Variants in COG5 observed in about 807,000 individuals in gnomAD.
The protein encoded by COG5 is component of oligomeric golgi complex 5, also known as conserved oligomeric Golgi complex subunit 5.
A neutral mutation model predicts 110.4 loss-of-function variants in COG5; 86 were observed. That is an observed-to-expected ratio of 0.78 (90% confidence interval 0.65 to 0.93). COG5 has a LOEUF of 0.93. COG5 is among the 40% of genes least tolerant of loss of function. The probability of loss-of-function intolerance (pLI) is 0.00; values close to 1 mark genes in which losing one functional copy is unlikely to be tolerated. For synonymous variants in COG5, 360 were observed against 334.6 expected, an observed-to-expected ratio of 1.08 and a Z score of -0.83; for missense variants, 1,077 against 987.0, an observed-to-expected ratio of 1.09 and a Z score of -1.22.
At chr7:107,560,858 T>C (rs548338065) in intron 1 of COG5, among the ~76,000 whole-genome samples, 1 of 152,250 alleles carries the variant, frequency 6.6e-6, no homozygotes, top group South Asian at 2.1e-4. Flanking sequence ...GTTAAAAATA[T>C]AGTTTTATAA....
At chr7:107,443,514 T>C (rs1207177550) in intron 6 of COG5, among the ~76,000 whole-genome samples, 2 of 151,498 alleles carry the variant, frequency 1.3e-5, no homozygotes, top group African/African-American at 2.4e-5. Context: ...AATTACATGA[T>C]ATGTTAATTA....
chr7:107,240,422 G>A (rs1026088683), intron 17 of COG5, among the ~76,000 whole-genome samples: 1 of 152,070 alleles, frequency 6.6e-6, no homozygotes, highest in South Asian at 2.1e-4. Flanking sequence ...CACCATGTTG[G>A]CCAGGCTGGT....
chr7:107,522,294 C>T (rs930585963), intron 6 of COG5, among the ~76,000 whole-genome samples: 2 of 152,158 alleles, frequency 1.3e-5, no homozygotes, highest in Non-Finnish European at 2.9e-5. Context: ...CATGGAGAAG[C>T]CCTGTCTCTA....
In COG5 at chr7:107,288,310, T is replaced by C. The variant is rs558256206; in HGVS notation, c.1314-4578A>G. Among the ~76,000 whole-genome samples, 14 of 152,290 alleles carry C rather than the reference T, an allele frequency of 9.2e-5. 1 individual carries two copies. In the South Asian group the frequency reaches 2.1e-3, roughly 23 times the overall value. ...CGGAGAGTTAGAGGATGCAGTGAGC[T>C]GTGATTGCACCACTGCACTCTAGCC... On this transcript the variant is annotated intron_variant, in intron 12 of 21. Coordinates refer to ENST00000297135, the MANE Select transcript of COG5 (RefSeq NM_006348.5).
intron 7 of COG5, among the ~76,000 whole-genome samples, chr7:107,389,964 C>A (rs1443001170): frequency 1.3e-5 from 2 of 152,150 alleles, no homozygotes; most frequent in African/African-American, 4.8e-5. Context: ...TTAAGGGAAC[C>A]AATATTTCTA....
chr7:107,419,534 G>A (rs1301284380), intron 6 of COG5, among the ~76,000 whole-genome samples: 4 of 151,498 alleles, frequency 2.6e-5, no homozygotes, highest in African/African-American at 9.7e-5. Flanking sequence ...ATAGAGAAAG[G>A]CATCATCATC....
intron 14 of COG5, among the ~76,000 whole-genome samples, chr7:107,275,839 T>TA (rs528625609): frequency 4.8e-4 from 70 of 145,920 alleles, no homozygotes; most frequent in Middle Eastern, 3.5e-3. Context: ...TTTTAGAACT[T>TA]AAAAAAAAAA....
chr7:107,295,095 A>C (rs1295132578), intron 12 of COG5, among the ~76,000 whole-genome samples: 1 of 75,852 alleles, frequency 1.3e-5, no homozygotes, highest in African/African-American at 5.4e-5. Flanking sequence ...ATATATATAT[A>C]TATATATTTT....
chr7:107,536,147 A>G (rs1276805461), intron 5 of COG5, among the ~76,000 whole-genome samples: 1 of 152,190 alleles, frequency 6.6e-6, no homozygotes, highest in African/African-American at 2.4e-5. Context: ...TTGATGGAAC[A>G]TATCTCAAAA....
chr7:107,555,072 C>T (rs1173226902), intron 2 of COG5, among the ~76,000 whole-genome samples: 1 of 152,194 alleles, frequency 6.6e-6, no homozygotes, highest in South Asian at 2.1e-4. Flanking sequence ...AGGCTACATC[C>T]TACTCTGGAA....
chr7:107,321,349 T>G (rs554304716), intron 11 of COG5, among the ~76,000 whole-genome samples: 2 of 152,232 alleles, frequency 1.3e-5, no homozygotes, highest in South Asian at 4.2e-4. Flanking sequence ...AGGATGTGGA[T>G]CAGAAGACTC....
intron 11 of COG5, among the ~76,000 whole-genome samples, chr7:107,316,831 A>G (rs1808807979): frequency 6.6e-6 from 1 of 151,538 alleles, no homozygotes; most frequent in Non-Finnish European, 1.5e-5. Flanking sequence ...ACTCTGTCTC[A>G]GGAAAAAAAA....
rs1204367804 is a variant in COG5 at position 107,482,143 on chromosome 7, T to G, written c.538+45094A>C. Among the ~76,000 whole-genome samples, 3 of 56,468 alleles carry G rather than the reference T, an allele frequency of 5.3e-5. No individual in the cohort carries two copies. The East Asian group carries it at 2.0e-3, about 37-fold the overall frequency. 37.0% of individuals were successfully genotyped at this position (56,468 alleles called of 152,430 possible). On this transcript the variant is annotated intron_variant, in intron 6 of 21. Coordinates refer to ENST00000297135, the MANE Select transcript of COG5 (RefSeq NM_006348.5). ...GGTTGCAGTCCTGAAAAAAAAATCT[T>G]TTTTTTTTTGGTGGGGGAGACAGGG...
At chr7:107,378,389 C>T (rs1339025757) in intron 7 of COG5, among the ~76,000 whole-genome samples, 1 of 152,002 alleles carries the variant, frequency 6.6e-6, no homozygotes. Flanking sequence ...CAACTCCTCG[C>T]CAGCAACGAA....
intron 7 of COG5, among the ~76,000 whole-genome samples, chr7:107,398,617 G>A (rs916599827): frequency 1.3e-5 from 2 of 152,012 alleles, no homozygotes; most frequent in Admixed American, 1.3e-4. Context: ...ACCAGTCCCT[G>A]GTGTCAAAAA....
chr7:107,423,998 C>T (rs10230090), intron 6 of COG5, among the ~76,000 whole-genome samples: 1,909 of 152,160 alleles, frequency 0.013, 41 homozygotes, highest in African/African-American at 0.044. Context: ...TGAGACTGAG[C>T]GCAGTGGCTC....
At chr7:107,551,390 T>C (rs1431679336) in intron 3 of COG5, among the ~76,000 whole-genome samples, 1 of 152,190 alleles carries the variant, frequency 6.6e-6, no homozygotes, top group Non-Finnish European at 1.5e-5. Flanking sequence ...AGAATATTTT[T>C]AAAAAGAACA....
intron 6 of COG5, among the ~76,000 whole-genome samples, chr7:107,485,521 C>G (rs1253361571): frequency 3.3e-5 from 5 of 152,260 alleles, no homozygotes; most frequent in South Asian, 4.1e-4. Flanking sequence ...ACTAGCTTCT[C>G]AAACTACATA....
intron 6 of COG5, among the ~76,000 whole-genome samples, chr7:107,502,035 T>C (rs551015972): frequency 1.3e-5 from 2 of 152,280 alleles, no homozygotes; most frequent in African/African-American, 2.4e-5. Flanking sequence ...TTTATTTCAA[T>C]AGCTTTTGGA....
Sources: allele counts gnomAD v4.1 joint callset (sites outside exome capture counted in the v4.1 genomes callset), GRCh38; gene constraint gnomAD v4.1.1; transcripts MANE v1.5; gene names NCBI Gene and HGNC (gene_info 2026-07-23, HGNC 2026-07-21).